CACNA2D3: variants seen among roughly 807,000 people sequenced by gnomAD.
CACNA2D3 encodes the protein voltage-dependent calcium channel subunit alpha-2/delta-3.
Under a neutral mutation model 160.6 loss-of-function variants are expected in CACNA2D3, and 60 were observed. The observed-to-expected ratio is 0.37, with a 90% CI of 0.30 to 0.46. The LOEUF is 0.46. Ranked by LOEUF, CACNA2D3 falls within the 20% of genes least tolerant of loss-of-function variation. CACNA2D3 has a pLI of 1.00. For synonymous variants in CACNA2D3, 558 were observed against 492.9 expected, an observed-to-expected ratio of 1.13 and a Z score of -1.75; for missense variants, 1,205 against 1,365.0, an observed-to-expected ratio of 0.88 and a Z score of 1.85.
At chr3:55,059,549 G>T (rs1263791018) in intron 35 of CACNA2D3, among the ~76,000 whole-genome samples, 6 of 152,174 alleles carry the variant, frequency 3.9e-5, no homozygotes, top group Non-Finnish European at 7.4e-5. Context: ...TTGGGCTCCA[G>T]CCCCACGGTG....
intron 11 of CACNA2D3, among the ~76,000 whole-genome samples, chr3:54,716,296 A>G (rs1701048591): frequency 2.0e-5 from 3 of 152,186 alleles, no homozygotes; most frequent in Admixed American, 2.0e-4. Context: ...GGATACACCC[A>G]GGAAAAAGAG....
chr3:54,275,866 G>C, intron 2 of CACNA2D3, among the ~76,000 whole-genome samples: 1 of 147,360 alleles, frequency 6.8e-6, no homozygotes, highest in East Asian at 2.1e-4. Context: ...GATCTGCCGT[G>C]ATCTGCCTGC....
At chr3:54,491,055 C>A (rs1701101186) in intron 4 of CACNA2D3, among the ~76,000 whole-genome samples, 1 of 151,980 alleles carries the variant, frequency 6.6e-6, no homozygotes, top group East Asian at 1.9e-4. Flanking sequence ...ATTCTATATT[C>A]TCTCTCTCTC....
intron 11 of CACNA2D3, among the ~76,000 whole-genome samples, chr3:54,718,650 C>G (rs1701108959): frequency 6.6e-6 from 1 of 151,952 alleles, no homozygotes; most frequent in Admixed American, 6.6e-5. Flanking sequence ...ATTGTCTTTG[C>G]TCTTCTTGGT....
intron 13 of CACNA2D3, chr3:54,789,824 G>A (rs371720860): frequency 9.7e-6 from 5 of 514,802 alleles, no homozygotes; most frequent in South Asian, 7.1e-5. Context: ...AAGTGAGCCC[G>A]AGCTTAAAAT....
chr3:54,904,186 C>A (rs906157877), intron 27 of CACNA2D3, among the ~76,000 whole-genome samples: 1 of 152,180 alleles, frequency 6.6e-6, no homozygotes, highest in African/African-American at 2.4e-5. Flanking sequence ...TTTGCCTTAA[C>A]TTACTTATTG....
intron 2 of CACNA2D3, among the ~76,000 whole-genome samples, chr3:54,168,543 C>G (rs765457921): frequency 1.1e-4 from 16 of 152,076 alleles, no homozygotes; most frequent in Middle Eastern, 3.2e-3. Context: ...GAGGAGCCAC[C>G]TTAGGAGGCC....
intron 34 of CACNA2D3, among the ~76,000 whole-genome samples, chr3:55,013,467 G>A (rs1703254983): frequency 1.3e-5 from 2 of 152,160 alleles, no homozygotes; most frequent in Admixed American, 6.5e-5. Flanking sequence ...CTGTCATTGG[G>A]ATATCTTATT....
intron 31 of CACNA2D3, among the ~76,000 whole-genome samples, chr3:54,990,756 G>A (rs898962496): frequency 9.9e-5 from 15 of 152,232 alleles, no homozygotes; most frequent in African/African-American, 2.4e-4. Context: ...CACTCACCTC[G>A]TGACCCATTG....
chr3:54,403,482 T>A (rs533610177), intron 4 of CACNA2D3, among the ~76,000 whole-genome samples: 1 of 151,988 alleles, frequency 6.6e-6, no homozygotes, highest in Non-Finnish European at 1.5e-5. Context: ...AAAGTGGTTC[T>A]GGAAGGGAAG....
chr3:54,814,975 C>G (rs1703414603), intron 13 of CACNA2D3, among the ~76,000 whole-genome samples: 2 of 152,242 alleles, frequency 1.3e-5, no homozygotes, highest in South Asian at 4.1e-4. Flanking sequence ...GACACAAACA[C>G]TTTCCTAAGA....
chr3:54,574,158 T>C (rs1200613895), intron 8 of CACNA2D3, among the ~76,000 whole-genome samples: 1 of 152,122 alleles, frequency 6.6e-6, no homozygotes, highest in Non-Finnish European at 1.5e-5. Context: ...CGGGTAGATG[T>C]TTGTGGAGAT....
At chr3:54,418,847 C>G (rs6777368) in intron 4 of CACNA2D3, among the ~76,000 whole-genome samples, 51,680 of 152,056 alleles carry the variant, frequency 0.34, 9,116 homozygotes, top group East Asian at 0.43. Flanking sequence ...TTATTATTGT[C>G]GTTATTATTT....
At chr3:54,893,073 T>G (rs1489240283) in intron 25 of CACNA2D3, among the ~76,000 whole-genome samples, 3 of 152,146 alleles carry the variant, frequency 2.0e-5, no homozygotes, top group East Asian at 3.9e-4. Flanking sequence ...GTCAGGAGTT[T>G]GAGACCAGCC....
chr3:55,005,092 A>G (rs1436780056), intron 32 of CACNA2D3, among the ~76,000 whole-genome samples: 1 of 152,042 alleles, frequency 6.6e-6, no homozygotes. Flanking sequence ...CCTGGCCAAC[A>G]TGGTGAAACC....
At chr3:54,930,192 A>G (rs1701149014) in intron 27 of CACNA2D3, among the ~76,000 whole-genome samples, 1 of 152,176 alleles carries the variant, frequency 6.6e-6, no homozygotes, top group Admixed American at 6.5e-5. Context: ...AACTCTGGTT[A>G]TCCCATCCTC....
chr3:54,471,481 A>C (rs1700730762), intron 4 of CACNA2D3, among the ~76,000 whole-genome samples: 2 of 152,206 alleles, frequency 1.3e-5, no homozygotes, highest in South Asian at 4.1e-4. Context: ...CTAACATCAC[A>C]ATAAAAAGAA....
At chr3:54,534,711 C>T (rs1701860350) in intron 5 of CACNA2D3, among the ~76,000 whole-genome samples, 1 of 151,950 alleles carries the variant, frequency 6.6e-6, no homozygotes, top group Non-Finnish European at 1.5e-5. Flanking sequence ...TTGCTTGAGC[C>T]CAGGAGTTAA....
At chr3:54,705,469 A>T (rs981177373) in intron 11 of CACNA2D3, among the ~76,000 whole-genome samples, 2 of 152,314 alleles carry the variant, frequency 1.3e-5, no homozygotes, top group Admixed American at 6.5e-5. Context: ...ATTGGTTCTC[A>T]CAGGTTTTTT....
Sources: gnomAD v4.1 joint callset for allele counts (sites outside exome capture counted in the v4.1 genomes callset) on GRCh38, gnomAD v4.1.1 for gene constraint, MANE v1.5 for transcripts, NCBI Gene and HGNC (gene_info 2026-07-23, HGNC 2026-07-21) for gene names.